The following NOS3 variants were observed in gnomAD, a reference collection of about 807,000 sequenced individuals.
The protein encoded by NOS3 is NOS type III.
A neutral mutation model predicts 144.9 loss-of-function variants in NOS3; 98 were observed. The ratio of observed to expected loss-of-function variants is 0.68; its 90% CI spans 0.57 to 0.80. The LOEUF is 0.80. Ranked by LOEUF, NOS3 falls within the 30% of genes least tolerant of loss-of-function variation. The probability of loss-of-function intolerance (pLI) is 0.00; values close to 1 mark genes in which losing one functional copy is unlikely to be tolerated. For missense variants in NOS3, 1,465 were observed against 1,656.4 expected, an observed-to-expected ratio of 0.88 and a Z score of 2.01; for synonymous variants, 714 against 702.4, an observed-to-expected ratio of 1.02 and a Z score of -0.26.
Position 151,010,826 on chromosome 7 carries a change from G to A in NOS3, c.2896+19G>A, listed in dbSNP as rs769538431. The A allele has an allele frequency of 5.0e-6, 8 of 1,607,744 alleles. No homozygotes were observed. In the South Asian group the frequency reaches 8.9e-5, roughly 18 times the overall value. On this transcript the variant is annotated intron_variant, in intron 22 of 26. Coordinates refer to ENST00000297494, the MANE Select transcript of NOS3 (RefSeq NM_000603.5). ...ACTCAGGGTGAGGCAACAAGCAGGA[G>A]CAGGCCTGGCCACAGCAGGGTTGGG...
rs777190157 is a variant in NOS3, at chr7:151,010,929, G to C, written c.2927G>C (p.Cys976Ser). The change falls in exon 23 of 27, where the codon TGC (cysteine) becomes TCC (serine). Residue 976 changes from cysteine (C) to serine (S), a missense_variant. This residue lies in a region of NOS3 where 106 missense variants were observed against 167.7 expected (regional missense o/e 0.63). Coordinates refer to ENST00000297494, the MANE Select transcript of NOS3 (RefSeq NM_000603.5). ...DGLGPLHYGV[C>S]STWLSQLKPG... ...CTGGGCCCCCTGCACTATGGAGTCT[G>C]CTCCACGTGGCTAAGCCAGCTCAAG... is the stretch of plus-strand genomic sequence containing the variant. The C allele has an allele frequency of 1.9e-6, 3 of 1,613,972 alleles. No individual in the cohort carries two copies. In the South Asian group the frequency reaches 3.3e-5, roughly 18 times the overall value.
rs774447524 is a variant in NOS3 at position 151,013,853 on chromosome 7, C to A, written c.3385C>A (p.Arg1129Ser). The change falls in exon 26 of 27, where the codon CGC (arginine) becomes AGC (serine). Residue 1129 changes from arginine to serine, a missense_variant. Transcript: ENST00000297494. ...AACCAACGTCCTGCAGACCGTGCAG[C>A]GCATCCTGGCGACGGAGGGCGACAT... is the stretch of plus-strand genomic sequence containing the variant. ...MATNVLQTVQRILATEGDMEL... is the reference protein window; with the variant it reads ...MATNVLQTVQSILATEGDMEL... The A allele has an allele frequency of 6.2e-7, 1 of 1,604,442 alleles. No individual in the cohort carries two copies. Among genetic ancestry groups the A allele is most frequent in the Non-Finnish European group, 8.5e-7 (1 of 1,176,132 alleles).
intron 25 of NOS3, 22 bp downstream of exon 25, chr7:151,013,401 A>G (rs1378032460): frequency 1.2e-6 from 2 of 1,602,138 alleles, no homozygotes; most frequent in Admixed American, 3.4e-5. Flanking sequence ...TGAGGGCGCA[A>G]TGGTAACCTG....
Position 151,013,296 on chromosome 7 carries a change from C to A in NOS3, c.3172C>A (p.Arg1058Ser). Residue 1058 changes from arginine (R) to serine (S), a missense_variant, in exon 25 of 27, where the codon CGC becomes AGC. Arg to Ser is a moderately radical substitution (Grantham distance 110, BLOSUM62 -1). Transcript: ENST00000297494. ...CRCSQLDHLY[R>S]DEVQNAQQRG... ...ATGCTCCCAACTTGACCATCTCTAC[C>A]GCGACGAGGTGCAGAACGCCCAGCA... is the stretch of plus-strand genomic sequence containing the variant. 1 of 1,614,088 alleles carries A rather than the reference C, an allele frequency of 6.2e-7. No individual in the cohort carries two copies. Among genetic ancestry groups the A allele is most frequent in the Non-Finnish European group, 8.5e-7 (1 of 1,180,014 alleles).
chr7:151,002,097 A>G lies in NOS3; in HGVS notation c.1648-103A>G, dbSNP rs1795118496. The G allele has an allele frequency of 7.0e-7, 1 of 1,430,682 alleles. No homozygotes were observed. The highest frequency in any genetic ancestry group is 9.6e-7 in the Non-Finnish European group (1 of 1,036,356). 88.6% of individuals were successfully genotyped at this position (1,430,682 alleles called of 1,614,324 possible). ...AACCCGGAACCACAGGTGTTCAGAGATCAAGTTGGGGCCTGAATCTTGCAC... is the reference window on the plus strand; with the variant it reads ...AACCCGGAACCACAGGTGTTCAGAGGTCAAGTTGGGGCCTGAATCTTGCAC... On this transcript the variant is annotated intron_variant, in intron 13 of 26. Coordinates refer to ENST00000297494, the MANE Select transcript of NOS3 (RefSeq NM_000603.5). This position sits in a 1 kb window ranked among gnomAD's most constrained non-coding sequence, Gnocchi z 4.1.
chr7:151,007,679 C>A (rs1795227137), intron 17 of NOS3, among the ~76,000 whole-genome samples: 1 of 152,232 alleles, frequency 6.6e-6, no homozygotes, highest in Admixed American at 6.5e-5. Flanking sequence ...GAAGCTGAGG[C>A]CAGCACAGAA....
At chr7:151,006,143 T>C (rs1025346269) in intron 14 of NOS3, among the ~76,000 whole-genome samples, 1 of 152,116 alleles carries the variant, frequency 6.6e-6, no homozygotes, top group Non-Finnish European at 1.5e-5. Context: ...AAAAAAACTA[T>C]AAATATGCAC....
intron 20 of NOS3, 145 bp downstream of exon 20, chr7:151,009,730 G>T: frequency 2.9e-6 from 2 of 698,888 alleles, no homozygotes; most frequent in Admixed American, 5.9e-5. Flanking sequence ...AGCTGGCTGT[G>T]CTGCCCACTG....
Position 150,993,838 on chromosome 7 carries a change from G to A in NOS3, c.35G>A (p.Gly12Glu), listed in dbSNP as rs757589399. Residue 12 changes from glycine (G) to glutamate (E), a missense_variant, in exon 2 of 27, where the codon GGG (glycine) becomes GAG (glutamate). Transcript: ENST00000297494. The surrounding 1 kb of genome is among the most constrained non-coding windows in gnomAD (Gnocchi z 4.0). ...TTGAAGAGCGTGGCCCAGGAGCCTG[G>A]GCCACCCTGCGGCCTGGGGCTGGGG... ...GNLKSVAQEP[G>E]PPCGLGLGLG... 19 of 1,600,642 alleles carry A rather than the reference G, an allele frequency of 1.2e-5. No homozygotes were observed. The Admixed American group carries it at 1.6e-4, about 14-fold the overall frequency.
chr7:151,004,982 C>T (rs1016182214), intron 14 of NOS3, among the ~76,000 whole-genome samples: 3 of 152,114 alleles, frequency 2.0e-5, no homozygotes, highest in Non-Finnish European at 4.4e-5. Flanking sequence ...CTCAGCCTCC[C>T]GAGTAGCTGG....
chr7:151,003,156 C>T lies in NOS3; in HGVS notation c.1752+852C>T. On this transcript the variant is annotated intron_variant, in intron 14 of 26. Coordinates refer to ENST00000297494, the MANE Select transcript of NOS3 (RefSeq NM_000603.5). The surrounding 1 kb of genome is among the most constrained non-coding windows in gnomAD (Gnocchi z 4.1). ...TCTTTTTTCCTTTGAGACAGGGTCT[C>T]ACTTTGTGGCCCAGGCTGGAGTGCA... 1 of 453,090 alleles carries T rather than the reference C, an allele frequency of 2.2e-6. No individual in the cohort carries two copies. Among genetic ancestry groups the T allele is most frequent in the Non-Finnish European group, 4.4e-6 (1 of 226,528 alleles). 28.1% of individuals were successfully genotyped at this position (453,090 alleles called of 1,614,324 possible).
At chr7:151,005,776 G>A (rs1290916115) in intron 14 of NOS3, among the ~76,000 whole-genome samples, 1 of 152,212 alleles carries the variant, frequency 6.6e-6, no homozygotes, top group African/African-American at 2.4e-5. Context: ...AAAGACTGAG[G>A]TCATGTTTTG....
At position 151,000,514 on chromosome 7, in the gene NOS3, T is replaced by A. The variant is rs147787542; in HGVS notation, c.1148T>A (p.Met383Lys). ...CTGCCCCAGGATGTGGCTGTCTGCA[T>A]GGACCTGGATACCCGGACCACCTCG... ...YNILEDVAVC[M>K]DLDTRTTSSL... The change falls in exon 10 of 27, where the codon ATG (methionine) becomes AAG (lysine). Residue 383 changes from methionine (M) to lysine (K), a missense_variant. Met to Lys is a moderately conservative substitution (Grantham distance 95). Around this residue, in one of 5 missense-constraint regions of NOS3, gnomAD observed 745 missense variants for 853.9 expected, o/e 0.87. Coordinates refer to ENST00000297494, the MANE Select transcript of NOS3 (RefSeq NM_000603.5). 3.1e-6 allele frequency: 5 copies of A among 1,612,888 alleles called. No homozygotes were observed. The highest frequency in any genetic ancestry group is 4.2e-6 in the Non-Finnish European group (5 of 1,179,284).
chr7:151,010,118 G>C lies in NOS3; in HGVS notation c.2516G>C (p.Gly839Ala). ...VEQLEKGSPGGPPPGWVRDPR... is the reference protein window; with the variant it reads ...VEQLEKGSPGAPPPGWVRDPR... ...GCTCCCTGTGCACTATCCCCAGGTG[G>C]CCCTCCCCCCGGCTGGGTGCGGGAC... The change falls in exon 21 of 27, where the codon GGC becomes GCC. Residue 839 changes from glycine to alanine, a missense_variant. Transcript: ENST00000297494. 6.3e-7 allele frequency: 1 copy of C among 1,589,908 alleles called. No homozygotes were observed. The highest frequency in any genetic ancestry group is 8.6e-7 in the Non-Finnish European group (1 of 1,161,752).
In NOS3 at chr7:151,000,765, G is replaced by T. The variant is rs184841871; in HGVS notation, c.1233+166G>T. 8.8e-4 allele frequency among the ~76,000 whole-genome samples: 134 copies of T among 152,324 alleles called. 1 individual carries two copies. Among genetic ancestry groups the T allele is most frequent in the Admixed American group, 3.5e-3 (54 of 15,312 alleles). ...GGCGCACACTGGCCTGCGGTTCGGG[G>T]ACAGGGCAGGTACTATTCCAGGCGC... On this transcript the variant is annotated intron_variant, in intron 10 of 26. Coordinates refer to ENST00000297494, the MANE Select transcript of NOS3 (RefSeq NM_000603.5).
chr7:151,013,609 C>G, intron 25 of NOS3, 115 bp from the exon 26 acceptor site: 1 of 1,087,568 alleles, frequency 9.2e-7, no homozygotes, highest in Non-Finnish European at 1.3e-6. Flanking sequence ...CCAGGGCACG[C>G]AGGCCCCACC....
intron 15 of NOS3, among the ~76,000 whole-genome samples, 182 bp downstream of exon 15, chr7:151,006,676 C>T (rs950183064): frequency 6.6e-6 from 1 of 152,230 alleles, no homozygotes; most frequent in Non-Finnish European, 1.5e-5. Flanking sequence ...CTTCTGAGAG[C>T]CGGGACAGTC....
chr7:151,001,596 A>G lies in NOS3; in HGVS notation c.1481A>G (p.Lys494Arg). The G allele has an allele frequency of 6.2e-7, 1 of 1,613,982 alleles. No individual in the cohort carries two copies. The highest frequency in any genetic ancestry group is 8.5e-7 in the Non-Finnish European group (1 of 1,180,014). The stretch of plus-strand genomic sequence containing the variant: ...AAGGGCACCGGCATCACCAGGAAGA[A>G]GACCTTTAAAGAAGTGGCCAAGTGG... ...AAKGTGITRKKTFKEVANAVK... is the reference protein window; with the variant it reads ...AAKGTGITRKRTFKEVANAVK... Residue 494 changes from lysine to arginine, a missense_variant, in exon 12 of 27, where the codon AAG becomes AGG. Around this residue, in one of 5 missense-constraint regions of NOS3, gnomAD observed 745 missense variants for 853.9 expected, o/e 0.87. Transcript: ENST00000297494.
At chr7:151,009,314 C>G (rs1344375089) in intron 19 of NOS3, 47 bp downstream of exon 19, 2 of 1,462,462 alleles carry the variant, frequency 1.4e-6, no homozygotes, top group Admixed American at 1.8e-5. Flanking sequence ...CCTGAACACC[C>G]TGACCCTGGA....
Sources: allele counts gnomAD v4.1 joint callset (sites outside exome capture counted in the v4.1 genomes callset), GRCh38; gene constraint gnomAD v4.1.1; regional missense constraint gnomAD v4.1.1; non-coding constraint Gnocchi (gnomAD v3.1); transcripts MANE v1.5; gene names NCBI Gene and HGNC (gene_info 2026-07-23, HGNC 2026-07-21).